NDUFA10: variants seen among roughly 807,000 people sequenced by gnomAD.
NDUFA10 encodes NADH:ubiquinone oxidoreductase subunit A10, also known as NADH dehydrogenase [ubiquinone] 1 alpha subcomplex subunit 10, mitochondrial.
A neutral mutation model predicts 47.8 loss-of-function variants in NDUFA10; 40 were observed. The observed-to-expected ratio is 0.84, with a 90% confidence interval of 0.65 to 1.09. NDUFA10 has a LOEUF of 1.09. NDUFA10 is among the 50% of genes least tolerant of loss of function. The pLI is 0.00. For synonymous variants in NDUFA10, 183 were observed against 172.2 expected (o/e 1.06, Z -0.49); for missense variants, 413 against 451.1 (o/e 0.92, Z 0.76).
intron 7 of NDUFA10, among the ~76,000 whole-genome samples, 187 bp downstream of exon 7, chr2:240,007,129 T>C (rs1351243872): frequency 2.6e-5 from 4 of 152,208 alleles, no homozygotes; most frequent in Non-Finnish European, 4.4e-5. Context: ...ACCGAATTAC[T>C]TGAAAGAAAC....
Position 239,974,999 on chromosome 2 carries a change from G to A in NDUFA10, c.1000-13813C>T, listed in dbSNP as rs554934739. Among the ~76,000 whole-genome samples the A allele has an allele frequency of 5.1e-4, 69 of 134,494 alleles. 1 individual carries two copies. The South Asian group carries it at 7.6e-3, about 15-fold the overall frequency. The allele number at this position is 134,494 out of a possible 152,430, so 88.2% of individuals were successfully genotyped here. A position where few individuals can be genotyped will look rare whatever the true frequency, so the allele number is the denominator to read the frequency against. On this transcript the variant is annotated intron_variant, in intron 9 of 9. Transcript: ENST00000252711. The stretch of plus-strand genomic sequence containing the variant: ...AAGAGCTGGTCATTTAAAAACATGT[G>A]ACACTCCTCCGCCACCAAAGAGCTG...
chr2:239,971,724 C>G (rs1011728056), intron 9 of NDUFA10, among the ~76,000 whole-genome samples: 3 of 152,186 alleles, frequency 2.0e-5, no homozygotes, highest in African/African-American at 2.4e-5. Flanking sequence ...TTTTAATGAT[C>G]AAGTCCAGGA....
intron 5 of NDUFA10, chr2:240,012,549 A>G (rs191120886): frequency 2.0e-5 from 3 of 152,316 alleles, no homozygotes; most frequent in Admixed American, 2.0e-4. Context: ...AAAATGATGA[A>G]AACATTCTAA....
At chr2:239,903,734 T>C (rs1440850357) in intron 4 of NDUFA10, among the ~76,000 whole-genome samples, 5 of 152,200 alleles carry the variant, frequency 3.3e-5, no homozygotes, top group African/African-American at 7.2e-5. Flanking sequence ...TCCTTCCCCA[T>C]TGTCAAGATA....
chr2:239,920,727 C>T (rs1227009692), intron 4 of NDUFA10, among the ~76,000 whole-genome samples: 2 of 152,184 alleles, frequency 1.3e-5, no homozygotes, highest in East Asian at 1.9e-4. Context: ...TTTTGCGTGA[C>T]GGCGATGGAG....
At chr2:239,905,288 G>A (rs1318590945) in intron 4 of NDUFA10, among the ~76,000 whole-genome samples, 1 of 152,238 alleles carries the variant, frequency 6.6e-6, no homozygotes, top group Non-Finnish European at 1.5e-5. Context: ...AACCCTTTGA[G>A]TCTCACAGAG....
In NDUFA10 at chr2:239,959,873, C is replaced by T. The variant is rs187916829; in HGVS notation, c.*1245G>A. ...GGGGAGAGGGAAAAAGGCAGGCGGACGCAAGGAGGGAAGGAGTGTGCATCT... is the reference window on the plus strand; with the variant it reads ...GGGGAGAGGGAAAAAGGCAGGCGGATGCAAGGAGGGAAGGAGTGTGCATCT... On this transcript the variant is annotated 3_prime_UTR_variant, in exon 10 of 10. Transcript: ENST00000252711. The T allele has an allele frequency of 9.5e-5, 94 of 984,820 alleles. 1 individual carries two copies. The African/African-American group carries it at 9.6e-4, about 10-fold the overall frequency. The allele number at this position is 984,820 out of a possible 1,614,324, so 61.0% of individuals were successfully genotyped here. A position where few individuals can be genotyped will look rare whatever the true frequency, so the allele number is the denominator to read the frequency against.
rs998354614 is a variant in NDUFA10, at chr2:239,960,197, T to C, written c.*921A>G. 2.7e-5 allele frequency: 27 copies of C among 982,612 alleles called. No homozygotes were observed. Among genetic ancestry groups the C allele is most frequent in the Non-Finnish European group, 3.1e-5 (26 of 829,816 alleles). 60.9% of individuals were successfully genotyped at this position (982,612 alleles called of 1,614,324 possible). The stretch of plus-strand genomic sequence containing the variant: ...ATTCCTAATGGACACAGTGGAGCTT[T>C]ACAGTGGAAAACCCACAGTTCAGTA... On this transcript the variant is annotated 3_prime_UTR_variant, in exon 10 of 10. Coordinates refer to ENST00000252711, the MANE Select transcript of NDUFA10 (RefSeq NM_004544.4).
At chr2:239,964,522 C>T (rs1694984557) in intron 9 of NDUFA10, among the ~76,000 whole-genome samples, 1 of 152,092 alleles carries the variant, frequency 6.6e-6, no homozygotes, top group South Asian at 2.1e-4. Flanking sequence ...CGACTCCTGC[C>T]GGGTGTCTGC....
chr2:240,014,335 T>C (rs1574890206), intron 5 of NDUFA10: 1 of 312,774 alleles, frequency 3.2e-6, no homozygotes, highest in Non-Finnish European at 6.3e-6. Context: ...GTTAAATAGA[T>C]TGAAGTGATG....
At chr2:239,986,336 G>A (rs941299677) in intron 9 of NDUFA10, among the ~76,000 whole-genome samples, 1 of 152,234 alleles carries the variant, frequency 6.6e-6, no homozygotes, top group Admixed American at 6.5e-5. Flanking sequence ...CTGGGTGGCA[G>A]GGATTAGGGA....
At chr2:240,024,658 T>A (rs1399108463) in intron 1 of NDUFA10, among the ~76,000 whole-genome samples, 2 of 152,174 alleles carry the variant, frequency 1.3e-5, no homozygotes, top group Non-Finnish European at 2.9e-5. Context: ...ACGCATTAGG[T>A]AGAAGGATCC....
intron 9 of NDUFA10, among the ~76,000 whole-genome samples, chr2:239,981,661 C>T (rs997925321): frequency 2.0e-5 from 3 of 152,160 alleles, no homozygotes; most frequent in African/African-American, 7.2e-5. Context: ...TACCTAATAA[C>T]TCCTAACCTC....
intron 8 of NDUFA10, among the ~76,000 whole-genome samples, chr2:239,993,718 G>A (rs1348293278): frequency 1.3e-5 from 2 of 152,180 alleles, no homozygotes. Context: ...TACACACCAA[G>A]GGGAGCAGCA....
intron 9 of NDUFA10, among the ~76,000 whole-genome samples, chr2:239,965,458 CATG>C (rs1268968863): frequency 6.6e-6 from 1 of 152,198 alleles, no homozygotes; most frequent in Non-Finnish European, 1.5e-5. Flanking sequence ...AGAAAACGCG[CATG>C]ATAACGCCTC....
rs748804620 is a variant in NDUFA10 at position 240,021,196 on chromosome 2, C to T, written c.460+1G>A. On this transcript the variant is annotated splice_donor_variant, in intron 3 of 9. Transcript: ENST00000252711. LOFTEE classifies it high-confidence loss of function. ...GATCTAACTGCCCAGAAATACTGCA[C>T]CTGTGGTCAGCAAGTGCTCCAAGGC... 6 of 1,613,190 alleles carry T rather than the reference C, an allele frequency of 3.7e-6. No homozygotes were observed. The highest frequency in any genetic ancestry group is 1.3e-5 in the African/African-American group (1 of 75,024).
chr2:240,001,591 C>A (rs1299940962), intron 8 of NDUFA10, among the ~76,000 whole-genome samples: 1 of 152,214 alleles, frequency 6.6e-6, no homozygotes. Context: ...TCCTTCTGAC[C>A]TGGTTATGAA....
chr2:240,020,719 C>T (rs1697585679), intron 3 of NDUFA10, among the ~76,000 whole-genome samples: 1 of 152,162 alleles, frequency 6.6e-6, no homozygotes, highest in African/African-American at 2.4e-5. Context: ...CTGCCTCCCC[C>T]CGTCATCTTA....
intron 9 of NDUFA10, among the ~76,000 whole-genome samples, chr2:239,962,263 G>T (rs1694885446): frequency 6.6e-6 from 1 of 151,106 alleles, no homozygotes; most frequent in Non-Finnish European, 1.5e-5. Flanking sequence ...CTGCCCTTAA[G>T]AACAGGTACT....
Sources: allele counts gnomAD v4.1 joint callset (sites outside exome capture counted in the v4.1 genomes callset), GRCh38; gene constraint gnomAD v4.1.1; transcripts MANE v1.5; gene names NCBI Gene and HGNC (gene_info 2026-07-23, HGNC 2026-07-21).